The following MCUB variants were observed in gnomAD, a reference collection of about 807,000 sequenced individuals.
MCUB encodes the protein mitochondrial calcium uniporter dominant negative subunit beta, also known as calcium uniporter regulatory subunit MCUb, mitochondrial.
Under a neutral mutation model 41.4 loss-of-function variants are expected in MCUB, and 46 were observed. The ratio of observed to expected loss-of-function variants is 1.11; its 90% CI spans 0.88 to 1.42. The LOEUF (loss-of-function observed/expected upper bound fraction) is 1.42. Among genes scored for constraint, MCUB ranks in the 40% most tolerant of loss-of-function variants. The pLI, the probability that MCUB is intolerant of heterozygous loss-of-function variation, is 0.00. For synonymous variants in MCUB, 148 were observed against 148.2 expected (o/e 1.00, Z 0.01); for missense variants, 403 against 404.9 (o/e 1.00, Z 0.04).
chr4:109,650,945 C>T (rs1276285343), intron 1 of MCUB, among the ~76,000 whole-genome samples: 1 of 152,080 alleles, frequency 6.6e-6, no homozygotes, highest in African/African-American at 2.4e-5. Context: ...GCATCTTTGT[C>T]GGGAATATCT....
chr4:109,660,108 G>T (rs1729195078), intron 2 of MCUB, 87 bp from the exon 3 acceptor site: 2 of 693,292 alleles, frequency 2.9e-6, no homozygotes, highest in Non-Finnish European at 4.9e-6. Context: ...TGAATTTCAT[G>T]TTTGAGCATT....
rs147780104 is a variant in MCUB at position 109,594,686 on chromosome 4, C to T, written c.99+34250C>T. Among the ~76,000 whole-genome samples, 179 of 151,670 alleles carry T rather than the reference C, an allele frequency of 1.2e-3. 1 individual carries two copies. Among genetic ancestry groups the T allele is most frequent in the African/African-American group, 3.9e-3 (161 of 41,410 alleles). On this transcript the variant is annotated intron_variant, in intron 1 of 7. Transcript: ENST00000394650. ...AAAAAAAGGAGGGAAAGGCAGCCCCCTCAATAATCCCTGGAGAGAAAGCCT... is the reference window on the plus strand; with the variant it reads ...AAAAAAAGGAGGGAAAGGCAGCCCCTTCAATAATCCCTGGAGAGAAAGCCT...
intron 1 of MCUB, among the ~76,000 whole-genome samples, chr4:109,652,500 G>A (rs887012269): frequency 6.6e-6 from 1 of 152,204 alleles, no homozygotes; most frequent in African/African-American, 2.4e-5. Context: ...CAGTTCTGGA[G>A]GCTGGAAAAT....
At chr4:109,679,384 G>A (rs561423813) in intron 4 of MCUB, among the ~76,000 whole-genome samples, 6 of 152,336 alleles carry the variant, frequency 3.9e-5, no homozygotes, top group South Asian at 2.1e-4. Context: ...GCGAGACTCC[G>A]TCTGCAATCC....
chr4:109,627,750 T>C (rs1728391257), intron 1 of MCUB, among the ~76,000 whole-genome samples: 1 of 151,882 alleles, frequency 6.6e-6, no homozygotes, highest in Non-Finnish European at 1.5e-5. Flanking sequence ...CTGTCTCTAG[T>C]AAAAATACAA....
intron 1 of MCUB, among the ~76,000 whole-genome samples, chr4:109,627,548 C>G (rs1331558055): frequency 6.6e-6 from 1 of 152,194 alleles, no homozygotes; most frequent in Non-Finnish European, 1.5e-5. Context: ...CAGATATTTT[C>G]ATGAGTGCTT....
chr4:109,650,657 GACAA>G (rs748915195), intron 1 of MCUB, among the ~76,000 whole-genome samples: 1 of 152,104 alleles, frequency 6.6e-6, no homozygotes, highest in Non-Finnish European at 1.5e-5. Context: ...CCAACTTAAT[GACAA>G]ACAACCATCA....
At chr4:109,571,374 G>A (rs994973261) in intron 1 of MCUB, among the ~76,000 whole-genome samples, 27 of 152,222 alleles carry the variant, frequency 1.8e-4, no homozygotes, top group Admixed American at 1.3e-4. Context: ...GTGCAGTGGT[G>A]CGATCTTGGC....
chr4:109,632,736 T>G (rs1373033571), intron 1 of MCUB, among the ~76,000 whole-genome samples: 1 of 150,166 alleles, frequency 6.7e-6, no homozygotes, highest in East Asian at 2.0e-4. Context: ...TGCCTCAGCC[T>G]CCCAAGTAGC....
intron 1 of MCUB, among the ~76,000 whole-genome samples, chr4:109,634,921 T>C (rs1728555486): frequency 2.0e-5 from 3 of 152,168 alleles, no homozygotes; most frequent in Admixed American, 2.0e-4. Flanking sequence ...GTCATCTACA[T>C]TAGGTATTTC....
At chr4:109,612,263 CTTTTTT>C (rs56813205) in intron 1 of MCUB, among the ~76,000 whole-genome samples, 1 of 114,842 alleles carries the variant, frequency 8.7e-6, no homozygotes, top group East Asian at 2.5e-4. Context: ...TCCTCCTTTT[CTTTTTT>C]TTTTTTTTTT....
intron 1 of MCUB, among the ~76,000 whole-genome samples, chr4:109,591,975 C>T (rs1485475351): frequency 1.3e-5 from 2 of 152,104 alleles, no homozygotes; most frequent in African/African-American, 2.4e-5. Context: ...GCTAGGATTA[C>T]AGGCGTGAGC....
At chr4:109,630,580 T>C (rs1322834751) in intron 1 of MCUB, among the ~76,000 whole-genome samples, 1 of 152,116 alleles carries the variant, frequency 6.6e-6, no homozygotes, top group East Asian at 1.9e-4. Context: ...TTTGTTTGTT[T>C]GTTTGTTTTT....
chr4:109,572,800 T>C (rs1726944738), intron 1 of MCUB, among the ~76,000 whole-genome samples: 1 of 152,170 alleles, frequency 6.6e-6, no homozygotes, highest in Non-Finnish European at 1.5e-5. Flanking sequence ...CTTTTCATAC[T>C]ACTACAATAT....
chr4:109,602,893 T>C (rs753793819), intron 1 of MCUB, among the ~76,000 whole-genome samples: 10 of 152,210 alleles, frequency 6.6e-5, no homozygotes, highest in African/African-American at 9.6e-5. Flanking sequence ...TGATTTATAG[T>C]TTTCATTGCA....
intron 4 of MCUB, among the ~76,000 whole-genome samples, chr4:109,676,075 T>A (rs1270472695): frequency 2.6e-5 from 4 of 152,270 alleles, no homozygotes; most frequent in African/African-American, 9.6e-5. Context: ...TGGAATTTGG[T>A]AATGGGCAAA....
intron 1 of MCUB, among the ~76,000 whole-genome samples, chr4:109,652,542 C>T (rs1313514514): frequency 6.6e-6 from 1 of 152,168 alleles, no homozygotes; most frequent in Admixed American, 6.5e-5. Context: ...TGGTCAGGTT[C>T]TTCTTGCTGC....
chr4:109,652,018 G>A (rs975566742), intron 1 of MCUB, among the ~76,000 whole-genome samples: 17 of 152,312 alleles, frequency 1.1e-4, no homozygotes, highest in African/African-American at 3.6e-4. Flanking sequence ...TGTTGGCTCA[G>A]TTGGTTTCTT....
chr4:109,583,224 C>T, intron 1 of MCUB, among the ~76,000 whole-genome samples: 1 of 151,948 alleles, frequency 6.6e-6, no homozygotes, highest in Non-Finnish European at 1.5e-5. Context: ...TTGTTTGTGT[C>T]CTCTTTTATT....
Sources: gnomAD v4.1 joint callset for allele counts (sites outside exome capture counted in the v4.1 genomes callset) on GRCh38, gnomAD v4.1.1 for gene constraint, MANE v1.5 for transcripts, NCBI Gene and HGNC (gene_info 2026-07-23, HGNC 2026-07-21) for gene names.